The following ATG7 variants were observed in gnomAD, a reference collection of about 807,000 sequenced individuals.
ATG7 encodes ubiquitin-like modifier-activating enzyme ATG7.
Under a neutral mutation model 82.4 loss-of-function variants are expected in ATG7, and 70 were observed. That is an observed-to-expected ratio of 0.85 (90% CI 0.70 to 1.04). The LOEUF is 1.04. ATG7 is among the 50% of genes least tolerant of loss of function. The probability of loss-of-function intolerance (pLI) is 0.00; values close to 1 mark genes in which losing one functional copy is unlikely to be tolerated. For synonymous variants in ATG7, 287 were observed against 313.0 expected, an observed-to-expected ratio of 0.92 and a Z score of 0.88; for missense variants, 792 against 864.3, an observed-to-expected ratio of 0.92 and a Z score of 1.05.
At chr3:11,341,846 T>C (rs1167394603) in intron 12 of ATG7, among the ~76,000 whole-genome samples, 2 of 152,170 alleles carry the variant, frequency 1.3e-5, no homozygotes, top group African/African-American at 4.8e-5. Context: ...ATGGTGTGTT[T>C]TTATTCATGG....
At chr3:11,531,083 T>C (rs764407465) in intron 20 of ATG7, among the ~76,000 whole-genome samples, 1 of 152,200 alleles carries the variant, frequency 6.6e-6, no homozygotes, top group Non-Finnish European at 1.5e-5. Context: ...AGCGGGCTTC[T>C]TGCCTCTCTG....
At position 11,426,809 on chromosome 3, in the gene ATG7, T is replaced by C; in HGVS notation, c.1962T>C (p.Leu654=). Residue 654 remains leucine (L), a synonymous_variant, in exon 20 of 21, where the codon CTT becomes CTC. Coordinates refer to ENST00000693202, the MANE Select transcript of ATG7 (RefSeq NM_001349232.2). The part of the protein sequence containing the change: ...DKCTACSSKV[L]DQYEREGFNF... ...AAAATGTAAATGTTTTACAGGTTCTTGATCAATATGAACGAGAAGGATTTA... is the reference window on the plus strand; with the variant it reads ...AAAATGTAAATGTTTTACAGGTTCTCGATCAATATGAACGAGAAGGATTTA... 1 of 1,590,744 alleles carries C rather than the reference T, an allele frequency of 6.3e-7. No homozygotes were observed. The highest frequency in any genetic ancestry group is 8.5e-7 in the Non-Finnish European group (1 of 1,172,026).
chr3:11,414,060 G>A (rs2081155194), intron 19 of ATG7, among the ~76,000 whole-genome samples: 1 of 152,018 alleles, frequency 6.6e-6, no homozygotes, highest in Admixed American at 6.6e-5. Flanking sequence ...AAATAATGGA[G>A]TTTTTTGTTT....
intron 5 of ATG7, among the ~76,000 whole-genome samples, chr3:11,306,047 A>T (rs530504855): frequency 1.2e-4 from 19 of 152,328 alleles, no homozygotes; most frequent in African/African-American, 4.1e-4. Context: ...AAGAGACCAG[A>T]TTTGTCCACA....
chr3:11,475,217 C>T (rs542375489), intron 20 of ATG7, among the ~76,000 whole-genome samples: 1 of 152,130 alleles, frequency 6.6e-6, no homozygotes, highest in African/African-American at 2.4e-5. Flanking sequence ...AATAATAGCT[C>T]CCATCTCTTG....
chr3:11,425,406 C>T (rs1169412532), intron 19 of ATG7, among the ~76,000 whole-genome samples: 1 of 152,208 alleles, frequency 6.6e-6, no homozygotes, highest in Non-Finnish European at 1.5e-5. Context: ...AAATCTATTT[C>T]TTGTATAATT....
At chr3:11,495,371 C>T (rs2090742873) in intron 20 of ATG7, among the ~76,000 whole-genome samples, 1 of 152,160 alleles carries the variant, frequency 6.6e-6, no homozygotes, top group Non-Finnish European at 1.5e-5. Flanking sequence ...GATAAAGTGT[C>T]TCATCCTGAG....
intron 20 of ATG7, among the ~76,000 whole-genome samples, chr3:11,449,140 C>T (rs2084863112): frequency 6.6e-6 from 1 of 152,198 alleles, no homozygotes; most frequent in African/African-American, 2.4e-5. Flanking sequence ...AGGAATGCAG[C>T]GTGAGCTTGT....
At chr3:11,497,359 A>ATATATATATGTATATG (rs1279695737) in intron 20 of ATG7, among the ~76,000 whole-genome samples, 9 of 37,196 alleles carry the variant, frequency 2.4e-4, no homozygotes, top group African/African-American at 7.9e-4. Context: ...TAAAAATACT[A>ATATATATATGTATATG]TATATATATA....
At chr3:11,401,686 G>T (rs2079849710) in intron 19 of ATG7, among the ~76,000 whole-genome samples, 2 of 152,106 alleles carry the variant, frequency 1.3e-5, no homozygotes, top group African/African-American at 4.8e-5. Flanking sequence ...TGTGCATAAG[G>T]CCACAGTGAC....
At chr3:11,451,056 A>T in intron 20 of ATG7, among the ~76,000 whole-genome samples, 1 of 152,228 alleles carries the variant, frequency 6.6e-6, no homozygotes, top group East Asian at 1.9e-4. Flanking sequence ...TTGGAAACCC[A>T]GGACAAATAT....
intron 4 of ATG7, 96 bp downstream of exon 4, chr3:11,298,951 CTT>C: frequency 7.3e-7 from 1 of 1,361,156 alleles, no homozygotes; most frequent in Admixed American, 2.1e-5. Context: ...ACAGCCTTGT[CTT>C]TTATAATCAG....
chr3:11,310,565 A>C (rs1336376230), intron 7 of ATG7, among the ~76,000 whole-genome samples: 1 of 152,132 alleles, frequency 6.6e-6, no homozygotes, highest in Non-Finnish European at 1.5e-5. Flanking sequence ...AAAATGTTTA[A>C]ATTTTTTGTC....
intron 19 of ATG7, among the ~76,000 whole-genome samples, chr3:11,399,561 C>T (rs1184785508): frequency 6.6e-6 from 1 of 150,902 alleles, no homozygotes; most frequent in Non-Finnish European, 1.5e-5. Flanking sequence ...TCCTTTCCTC[C>T]CTCCCTTCCT....
intron 20 of ATG7, among the ~76,000 whole-genome samples, chr3:11,436,820 A>G (rs2083409870): frequency 6.6e-6 from 1 of 152,202 alleles, no homozygotes; most frequent in African/African-American, 2.4e-5. Context: ...AAGGACACAT[A>G]TTGTAGGATC....
chr3:11,313,349 C>T lies in ATG7; in HGVS notation c.457C>T (p.Leu153Phe). ...HFYYWFCYPA[L>F]CLPESLPLIQ... ...CTACTATTGGTTTTGCTATCCTGCCCTCTGTCTTCCAGAGAGTTTACCTCT... is the reference window on the plus strand; with the variant it reads ...CTACTATTGGTTTTGCTATCCTGCCTTCTGTCTTCCAGAGAGTTTACCTCT... Residue 153 changes from leucine to phenylalanine, a missense_variant, in exon 8 of 21, where the codon CTC becomes TTC. Coordinates refer to ENST00000693202, the MANE Select transcript of ATG7 (RefSeq NM_001349232.2). 1 of 1,612,922 alleles carries T rather than the reference C, an allele frequency of 6.2e-7. No individual in the cohort carries two copies. The highest frequency in any genetic ancestry group is 8.5e-7 in the Non-Finnish European group (1 of 1,179,354).
At chr3:11,508,938 C>A (rs183995997) in intron 20 of ATG7, among the ~76,000 whole-genome samples, 78 of 152,284 alleles carry the variant, frequency 5.1e-4, no homozygotes, top group African/African-American at 1.8e-3. Context: ...GCTCCTGTTA[C>A]CAATGACCAA....
chr3:11,563,428 C>T, the ATG7 span, among the ~76,000 whole-genome samples: 4 of 152,232 alleles, frequency 2.6e-5, no homozygotes, highest in Non-Finnish European at 4.4e-5. Flanking sequence ...GGTCGCACTG[C>T]GCACACGCCT....
In ATG7 at chr3:11,373,163, G is replaced by A. The variant is rs1409329206; in HGVS notation, c.1876-6809G>A. Among the ~76,000 whole-genome samples the A allele has an allele frequency of 2.8e-5, 4 of 144,404 alleles. 1 individual carries two copies. Among genetic ancestry groups the A allele is most frequent in the African/African-American group, 5.2e-5 (2 of 38,592 alleles). 94.7% of individuals were successfully genotyped at this position (144,404 alleles called of 152,430 possible). A position where few individuals can be genotyped will look rare whatever the true frequency, so the allele number is the denominator to read the frequency against. The stretch of plus-strand genomic sequence containing the variant: ...TGAGAGTAAGCTGTGTGAGACTTAC[G>A]TTATGACTAACTCCAAAAGGTAGAA... On this transcript the variant is annotated intron_variant, in intron 18 of 20. Transcript: ENST00000693202.
Sources: gnomAD v4.1 joint callset for allele counts (sites outside exome capture counted in the v4.1 genomes callset) on GRCh38, gnomAD v4.1.1 for gene constraint, MANE v1.5 for transcripts, NCBI Gene and HGNC (gene_info 2026-07-23, HGNC 2026-07-21) for gene names.